MCTP1: variants seen among roughly 807,000 people sequenced by gnomAD.
MCTP1 encodes the protein multiple C2 and transmembrane domain containing 1.
MCTP1 carries 69 observed loss-of-function variants against 120.6 expected under a neutral mutation model. The observed-to-expected ratio is 0.57, with a 90% CI of 0.47 to 0.70. The LOEUF (loss-of-function observed/expected upper bound fraction) is 0.70. Ranked by LOEUF, MCTP1 falls within the 30% of genes least tolerant of loss-of-function variation. MCTP1 has a pLI of 0.00. For missense variants in MCTP1, 1,203 were observed against 1,248.8 expected, an observed-to-expected ratio of 0.96 and a Z score of 0.55; for synonymous variants, 529 against 493.1, an observed-to-expected ratio of 1.07 and a Z score of -0.96.
intron 19 of MCTP1, among the ~76,000 whole-genome samples, chr5:94,726,112 A>G (rs1172317057): frequency 3.3e-5 from 5 of 152,206 alleles, no homozygotes; most frequent in African/African-American, 1.2e-4. Context: ...TCTCATTCCC[A>G]GCTTGAAGAA....
chr5:94,766,992 C>A (rs1399188800), intron 19 of MCTP1, among the ~76,000 whole-genome samples: 3 of 152,074 alleles, frequency 2.0e-5, no homozygotes, highest in Non-Finnish European at 4.4e-5. Flanking sequence ...TGCCAATATC[C>A]CTGATGAACA....
intron 1 of MCTP1, among the ~76,000 whole-genome samples, chr5:95,246,549 T>A (rs1003144288): frequency 5.3e-5 from 8 of 151,504 alleles, no homozygotes; most frequent in Admixed American, 4.6e-4. Context: ...TGAACAAAGA[T>A]CAAAAGAGAC....
chr5:94,870,572 A>T (rs1277704767), intron 15 of MCTP1, 81 bp from the exon 16 acceptor site: 1 of 1,081,734 alleles, frequency 9.2e-7, no homozygotes, highest in East Asian at 2.4e-5. Flanking sequence ...AATTTGCAAT[A>T]ATTTCTAAAG....
At chr5:95,038,411 T>C (rs1007916360) in intron 1 of MCTP1, among the ~76,000 whole-genome samples, 2 of 152,170 alleles carry the variant, frequency 1.3e-5, no homozygotes, top group Non-Finnish European at 2.9e-5. Flanking sequence ...TTTGAATGCA[T>C]AAATAAGTAA....
At chr5:94,835,014 G>A (rs1278298683) in intron 17 of MCTP1, among the ~76,000 whole-genome samples, 1 of 151,870 alleles carries the variant, frequency 6.6e-6, no homozygotes, top group African/African-American at 2.4e-5. Flanking sequence ...TAGAGATGGG[G>A]TTTCACCATG....
intron 10 of MCTP1, among the ~76,000 whole-genome samples, chr5:94,899,724 C>T (rs571425757): frequency 2.0e-5 from 3 of 152,184 alleles, no homozygotes; most frequent in Non-Finnish European, 4.4e-5. Flanking sequence ...CTCCATATGG[C>T]CTGTGCACAT....
intron 1 of MCTP1, among the ~76,000 whole-genome samples, chr5:95,210,350 G>T (rs976299689): frequency 4.6e-5 from 7 of 150,620 alleles, no homozygotes; most frequent in Non-Finnish European, 8.9e-5. Context: ...TTATGAATCT[G>T]GGTGCTCCTG....
At chr5:95,157,120 G>T (rs150379190) in intron 1 of MCTP1, among the ~76,000 whole-genome samples, 165 of 152,092 alleles carry the variant, frequency 1.1e-3, no homozygotes, top group African/African-American at 3.7e-3. Context: ...TTATAAATAG[G>T]TAAAATCAAA....
At chr5:94,860,499 C>G (rs1390432777) in intron 17 of MCTP1, among the ~76,000 whole-genome samples, 3 of 151,648 alleles carry the variant, frequency 2.0e-5, no homozygotes, top group Non-Finnish European at 4.4e-5. Flanking sequence ...CAAACAAACA[C>G]CTGTCCTTTA....
chr5:94,879,494 A>T (rs1366025893), intron 12 of MCTP1, among the ~76,000 whole-genome samples: 1 of 152,154 alleles, frequency 6.6e-6, no homozygotes, highest in Non-Finnish European at 1.5e-5. Context: ...ATTGTCTAAC[A>T]GCAATAATTC....
At chr5:95,184,643 C>T (rs1331172248) in intron 1 of MCTP1, among the ~76,000 whole-genome samples, 1 of 152,176 alleles carries the variant, frequency 6.6e-6, no homozygotes, top group Non-Finnish European at 1.5e-5. Context: ...ACAGGACTAA[C>T]AAATTAGCTA....
chr5:95,095,347 AT>A (rs1562139030), intron 1 of MCTP1, among the ~76,000 whole-genome samples: 1 of 152,098 alleles, frequency 6.6e-6, no homozygotes, highest in African/African-American at 2.4e-5. Context: ...TATAACAACT[AT>A]TTCCTCCAAG....
At chr5:94,845,540 T>G (rs201385051) in intron 17 of MCTP1, among the ~76,000 whole-genome samples, 1 of 145,478 alleles carries the variant, frequency 6.9e-6, no homozygotes, top group Non-Finnish European at 1.5e-5. Flanking sequence ...CATTTTTTTT[T>G]GTTTTTTTGT....
At chr5:95,001,881 G>C (rs757945107) in intron 2 of MCTP1, among the ~76,000 whole-genome samples, 12 of 152,184 alleles carry the variant, frequency 7.9e-5, no homozygotes, top group South Asian at 2.1e-4. Flanking sequence ...TGTCGACAGG[G>C]CATGTCAAAA....
intron 19 of MCTP1, among the ~76,000 whole-genome samples, chr5:94,745,505 G>A (rs897406138): frequency 3.3e-5 from 5 of 152,134 alleles, no homozygotes; most frequent in Non-Finnish European, 7.4e-5. Flanking sequence ...GAGCTGGTAG[G>A]GGTAGAGGGC....
At chr5:95,272,756 GA>G (rs1759506463) in intron 1 of MCTP1, among the ~76,000 whole-genome samples, 1 of 152,194 alleles carries the variant, frequency 6.6e-6, no homozygotes, top group African/African-American at 2.4e-5. Context: ...TTCCCACAGA[GA>G]AAGCAAGGAA....
At chr5:94,769,046 C>T (rs752679308) in intron 19 of MCTP1, among the ~76,000 whole-genome samples, 27 of 152,092 alleles carry the variant, frequency 1.8e-4, no homozygotes, top group Non-Finnish European at 2.9e-4. Flanking sequence ...CAATGGAATG[C>T]TATTTGGCCA....
intron 1 of MCTP1, among the ~76,000 whole-genome samples, chr5:95,040,418 G>A (rs1396230810): frequency 1.3e-5 from 2 of 149,146 alleles, no homozygotes; most frequent in African/African-American, 5.0e-5. Flanking sequence ...CAGCCTTGGC[G>A]ACATAGTATG....
chr5:94,845,969 A>G (rs1417806440), intron 17 of MCTP1, among the ~76,000 whole-genome samples: 5 of 152,216 alleles, frequency 3.3e-5, no homozygotes, highest in Non-Finnish European at 7.3e-5. Context: ...CACACCAGTC[A>G]GAATGGCTAT....
Sources: gnomAD v4.1 joint callset for allele counts (sites outside exome capture counted in the v4.1 genomes callset) on GRCh38, gnomAD v4.1.1 for gene constraint, MANE v1.5 for transcripts, NCBI Gene and HGNC (gene_info 2026-07-23, HGNC 2026-07-21) for gene names.